The following DLGAP2 variants were observed in gnomAD, a reference collection of about 807,000 sequenced individuals.
DLGAP2 encodes DLG associated protein 2, also known as disks large-associated protein 2.
In DLGAP2, 26 loss-of-function variants were observed where a neutral mutation model predicts 100.3. The ratio of observed to expected loss-of-function variants is 0.26; its 90% CI spans 0.19 to 0.36. The LOEUF is 0.36. DLGAP2 is among the 10% of genes least tolerant of loss of function. The pLI, the probability that DLGAP2 is intolerant of heterozygous loss-of-function variation, is 1.00. For synonymous variants in DLGAP2, 886 were observed against 630.1 expected (o/e 1.41, Z -6.08); for missense variants, 1,858 against 1,453.2 (o/e 1.28, Z -4.53).
chr8:1,631,642 C>A (rs76461702), intron 7 of DLGAP2, among the ~76,000 whole-genome samples: 2,799 of 152,296 alleles, frequency 0.018, 75 homozygotes, highest in African/African-American at 0.063. Context: ...GGCATTGTGC[C>A]AACTCTTTCT....
At chr8:877,031 T>TCTAC (rs1169521044) in intron 1 of DLGAP2, among the ~76,000 whole-genome samples, 1 of 151,996 alleles carries the variant, frequency 6.6e-6, no homozygotes, top group Non-Finnish European at 1.5e-5. Context: ...GCAACATTCT[T>TCTAC]CTACCATCTT....
intron 14 of DLGAP2, among the ~76,000 whole-genome samples, chr8:1,700,308 G>A (rs1047119630): frequency 6.6e-6 from 1 of 152,200 alleles, no homozygotes; most frequent in Non-Finnish European, 1.5e-5. Context: ...GACGCCTTCT[G>A]CCGTGTGCCC....
chr8:1,138,472 G>A (rs554576586), intron 2 of DLGAP2, among the ~76,000 whole-genome samples: 10 of 152,202 alleles, frequency 6.6e-5, no homozygotes, highest in South Asian at 2.1e-4. Flanking sequence ...CATGGCCATC[G>A]GCCCTCAGGT....
Position 1,239,395 on chromosome 8 carries a change from G to A in DLGAP2, c.74-19456G>A, listed in dbSNP as rs1430091806. ...GTGTCTAGTTCTCTCACGTGGTGCC[G>A]TGTCTAGTTCTCTCACATGGCGCCA... On this transcript the variant is annotated intron_variant, in intron 2 of 14. Transcript: ENST00000637795. Among the ~76,000 whole-genome samples the A allele has an allele frequency of 2.1e-3, 43 of 20,004 alleles. 12 individuals are homozygous for A. Among genetic ancestry groups the A allele is most frequent in the African/African-American group, 0.015 (37 of 2,520 alleles). The allele number at this position is 20,004 out of a possible 152,430, so 13.1% of individuals were successfully genotyped here.
chr8:1,548,021 T>C (rs1047872688), intron 4 of DLGAP2, among the ~76,000 whole-genome samples: 2 of 152,194 alleles, frequency 1.3e-5, no homozygotes, highest in Non-Finnish European at 2.9e-5. Context: ...ACAACTATGC[T>C]TTTCCCCCAA....
At chr8:794,937 G>A (rs991268405) in intron 1 of DLGAP2, among the ~76,000 whole-genome samples, 4 of 152,198 alleles carry the variant, frequency 2.6e-5, no homozygotes, top group Admixed American at 1.3e-4. Context: ...GCTGCCATTT[G>A]TGTTATGCGT....
chr8:1,476,574 A>C (rs1426921625), intron 3 of DLGAP2, among the ~76,000 whole-genome samples: 1 of 152,078 alleles, frequency 6.6e-6, no homozygotes, highest in Non-Finnish European at 1.5e-5. Context: ...CCCAGGGCAA[A>C]TGTTAGTGCT....
chr8:1,094,766 C>T (rs188329569), intron 2 of DLGAP2, among the ~76,000 whole-genome samples: 59 of 152,334 alleles, frequency 3.9e-4, no homozygotes, highest in Admixed American at 3.9e-3. Context: ...GCAGGTTCTT[C>T]TCTTAGCGTG....
At chr8:1,267,021 G>C (rs888193419) in intron 3 of DLGAP2, among the ~76,000 whole-genome samples, 4 of 151,784 alleles carry the variant, frequency 2.6e-5, no homozygotes, top group Non-Finnish European at 5.9e-5. Context: ...AAGGTCAGGA[G>C]GTCAAAACCA....
intron 2 of DLGAP2, among the ~76,000 whole-genome samples, chr8:1,208,925 A>G (rs557348734): frequency 6.6e-6 from 1 of 151,956 alleles, no homozygotes; most frequent in East Asian, 1.9e-4. Context: ...GCTTAGGAAT[A>G]TACCTAACCA....
intron 2 of DLGAP2, among the ~76,000 whole-genome samples, chr8:913,651 A>T (rs1798534241): frequency 6.6e-6 from 1 of 152,224 alleles, no homozygotes; most frequent in Admixed American, 6.5e-5. Context: ...TAGTCCTGTA[A>T]CTTTGCTGTG....
chr8:1,482,000 G>A (rs1799113360), intron 3 of DLGAP2, among the ~76,000 whole-genome samples: 1 of 152,224 alleles, frequency 6.6e-6, no homozygotes, highest in African/African-American at 2.4e-5. Context: ...CAGCCCTCCT[G>A]TGGAACCAGG....
At chr8:1,674,392 G>GACTT (rs1160825664) in intron 10 of DLGAP2, among the ~76,000 whole-genome samples, 1 of 152,148 alleles carries the variant, frequency 6.6e-6, no homozygotes, top group Non-Finnish European at 1.5e-5. Context: ...AGTAAATCAT[G>GACTT]ACTTACTGCA....
chr8:1,081,702 C>G (rs966343710), intron 2 of DLGAP2, among the ~76,000 whole-genome samples: 1 of 152,194 alleles, frequency 6.6e-6, no homozygotes, highest in Non-Finnish European at 1.5e-5. Context: ...TAATTCCATT[C>G]TGTTCTTTCA....
chr8:1,150,252 G>A (rs10108633), intron 2 of DLGAP2, among the ~76,000 whole-genome samples: 56,932 of 152,096 alleles, frequency 0.37, 12,563 homozygotes, highest in Non-Finnish European at 0.5. Flanking sequence ...CTCTAGAACT[G>A]TAAGTTGGCA....
At chr8:1,606,780 T>C (rs1796814483) in intron 6 of DLGAP2, among the ~76,000 whole-genome samples, 1 of 152,112 alleles carries the variant, frequency 6.6e-6, no homozygotes, top group Non-Finnish European at 1.5e-5. Context: ...CCCCCTGAGC[T>C]CAAGGAATCC....
At chr8:1,525,813 G>C (rs1051654151) in intron 4 of DLGAP2, among the ~76,000 whole-genome samples, 2 of 152,138 alleles carry the variant, frequency 1.3e-5, no homozygotes, top group African/African-American at 4.8e-5. Flanking sequence ...GGGTAGTGAC[G>C]GGACCTCAGC....
chr8:1,220,271 T>G (rs1487533600), intron 2 of DLGAP2, among the ~76,000 whole-genome samples: 1 of 152,210 alleles, frequency 6.6e-6, no homozygotes, highest in Non-Finnish European at 1.5e-5. Flanking sequence ...CTCTTAACAC[T>G]GCTTTACCTG....
rs1274488257 is a variant in DLGAP2 at position 929,682 on chromosome 8, C to T, written c.73+21716C>T. ...CCCTCTAAACATCCCACACACACCC[C>T]ATTCCCCCTCTAAACATCCCACACC... On this transcript the variant is annotated intron_variant, in intron 2 of 14. Transcript: ENST00000637795. Among the ~76,000 whole-genome samples the T allele has an allele frequency of 5.2e-5, 6 of 114,518 alleles. No individual in the cohort carries two copies. In the Admixed American group the frequency reaches 5.7e-4, roughly 11 times the overall value. The allele number at this position is 114,518 out of a possible 152,430, so 75.1% of individuals were successfully genotyped here.
Sources: gnomAD v4.1 joint callset for allele counts (sites outside exome capture counted in the v4.1 genomes callset) on GRCh38, gnomAD v4.1.1 for gene constraint, MANE v1.5 for transcripts, NCBI Gene and HGNC (gene_info 2026-07-23, HGNC 2026-07-21) for gene names.